The following CXCL13 variants were observed in gnomAD, a reference collection of about 807,000 sequenced individuals.
The protein encoded by CXCL13 is C-X-C motif chemokine ligand 13.
Under a neutral mutation model 12.2 loss-of-function variants are expected in CXCL13, and 7 were observed. The ratio of observed to expected loss-of-function variants is 0.57; its 90% CI spans 0.33 to 1.07. The LOEUF is 1.07. Among genes scored for constraint, CXCL13 ranks in the 50% least tolerant of loss-of-function variants. CXCL13 has a pLI of 0.04. For missense variants in CXCL13, 113 were observed against 127.4 expected (o/e 0.89, Z 0.55); for synonymous variants, 47 against 42.4 (o/e 1.11, Z -0.42).
At chr4:77,550,907 TTATC>T (rs1223559560) in intron 1 of CXCL13, among the ~76,000 whole-genome samples, 16 of 152,326 alleles carry the variant, frequency 1.1e-4, no homozygotes, top group African/African-American at 3.8e-4. Flanking sequence ...TTTAAAGTGT[TTATC>T]TAATATCTAA....
chr4:77,539,206 G>A (rs948285973), intron 1 of CXCL13, among the ~76,000 whole-genome samples: 3 of 152,118 alleles, frequency 2.0e-5, no homozygotes, highest in Non-Finnish European at 4.4e-5. Flanking sequence ...TGGGATTACA[G>A]GCATGCACCC....
chr4:77,542,283 T>A (rs1040508691), intron 1 of CXCL13, among the ~76,000 whole-genome samples: 1 of 152,192 alleles, frequency 6.6e-6, no homozygotes, highest in Non-Finnish European at 1.5e-5. Flanking sequence ...ACTTGTCTTA[T>A]GCCAGTTCTC....
intron 1 of CXCL13, among the ~76,000 whole-genome samples, chr4:77,549,362 C>T (rs1725452607): frequency 6.6e-6 from 1 of 152,230 alleles, no homozygotes; most frequent in African/African-American, 2.4e-5. Flanking sequence ...ATCCTCCATC[C>T]AGCTTTGTTC....
At chr4:77,572,922 A>G (rs1726122823) in intron 1 of CXCL13, among the ~76,000 whole-genome samples, 1 of 150,168 alleles carries the variant, frequency 6.7e-6, no homozygotes, top group African/African-American at 2.5e-5. Flanking sequence ...GAATGAGAAC[A>G]TGTCCTTTGC....
At chr4:77,572,040 AG>A (rs1252281743) in intron 1 of CXCL13, among the ~76,000 whole-genome samples, 1 of 151,834 alleles carries the variant, frequency 6.6e-6, no homozygotes, top group South Asian at 2.1e-4. Context: ...GAACATCAGA[AG>A]GGACAGACTC....
At chr4:77,511,760 T>A (rs376808135) in exon 1 of CXCL13, 5 of 152,208 alleles carry the variant, frequency 3.3e-5, no homozygotes, top group African/African-American at 9.6e-5. Flanking sequence ...AAGGAGAAGA[T>A]GTTTGAAAAA....
At chr4:77,562,263 AC>A (rs1378418692) in intron 1 of CXCL13, among the ~76,000 whole-genome samples, 1 of 147,370 alleles carries the variant, frequency 6.8e-6, no homozygotes, top group Non-Finnish European at 1.5e-5. Flanking sequence ...AGCCTCCCTG[AC>A]GGGCAACGCC....
chr4:77,599,061 A>G (rs913731440), intron 1 of CXCL13, among the ~76,000 whole-genome samples: 3 of 152,048 alleles, frequency 2.0e-5, no homozygotes, highest in Non-Finnish European at 4.4e-5. Flanking sequence ...CACCTGCCTC[A>G]GCCTCCCAAA....
chr4:77,594,069 AC>A (rs1217392216), intron 1 of CXCL13, among the ~76,000 whole-genome samples: 1 of 152,190 alleles, frequency 6.6e-6, no homozygotes, highest in East Asian at 1.9e-4. Context: ...TTAAAAAGTG[AC>A]ATTTGCCTCT....
At chr4:77,517,057 G>T (rs546687869) in intron 1 of CXCL13, among the ~76,000 whole-genome samples, 8,905 of 151,968 alleles carry the variant, frequency 0.059, 821 homozygotes, top group African/African-American at 0.2. Flanking sequence ...CCTTCATTTT[G>T]TTATGTACCC....
chr4:77,554,441 C>T (rs1005318183), intron 1 of CXCL13, among the ~76,000 whole-genome samples: 2 of 152,032 alleles, frequency 1.3e-5, no homozygotes, highest in African/African-American at 4.8e-5. Context: ...AATTACAGAG[C>T]TTCAAATATA....
At chr4:77,538,958 G>A (rs1377350913) in intron 1 of CXCL13, among the ~76,000 whole-genome samples, 5 of 152,144 alleles carry the variant, frequency 3.3e-5, no homozygotes, top group Non-Finnish European at 5.9e-5. Flanking sequence ...TTTAGAACAA[G>A]AGTGAAAGTT....
At position 77,599,495 on chromosome 4, in the gene CXCL13, A is replaced by T. The variant is rs58689708; in HGVS notation, c.-42-6329A>T. Among the ~76,000 whole-genome samples, 600 of 152,348 alleles carry T rather than the reference A, an allele frequency of 3.9e-3. 2 individuals are homozygous for T. The highest frequency in any genetic ancestry group is 0.014 in the African/African-American group (568 of 41,584). On this transcript the variant is annotated intron_variant, in intron 1 of 4. Transcript: ENST00000286758. ...GATTCACAGTTGGTTGGATCCACAG[A>T]TGTGAAACCCTATGGATAAGGAAGG...
chr4:77,582,106 T>A (rs1726348921), intron 1 of CXCL13, among the ~76,000 whole-genome samples: 1 of 152,138 alleles, frequency 6.6e-6, no homozygotes, highest in Admixed American at 6.5e-5. Flanking sequence ...ATATAAAAAT[T>A]TAAAAAGTCG....
chr4:77,536,856 A>G (rs1254751984), intron 1 of CXCL13, among the ~76,000 whole-genome samples: 1 of 152,118 alleles, frequency 6.6e-6, no homozygotes, highest in East Asian at 1.9e-4. Flanking sequence ...TGAGTACAGT[A>G]GGTAAGAAGG....
intron 1 of CXCL13, among the ~76,000 whole-genome samples, chr4:77,514,565 A>G (rs1385708497): frequency 2.0e-5 from 3 of 147,172 alleles, no homozygotes; most frequent in Non-Finnish European, 4.5e-5. Flanking sequence ...AGTGATGGTG[A>G]GCATTTTTTC....
chr4:77,544,390 A>T (rs1035004950), intron 1 of CXCL13, among the ~76,000 whole-genome samples: 2 of 152,164 alleles, frequency 1.3e-5, no homozygotes, highest in African/African-American at 4.8e-5. Flanking sequence ...CTATTTCTCC[A>T]CATCCTCTCC....
intron 1 of CXCL13, among the ~76,000 whole-genome samples, chr4:77,587,310 A>C (rs909556557): frequency 4.6e-5 from 7 of 152,202 alleles, no homozygotes; most frequent in Non-Finnish European, 8.8e-5. Flanking sequence ...GCATTCAGTC[A>C]GCAGAGGAGC....
chr4:77,536,085 A>C (rs1166267388), intron 1 of CXCL13, among the ~76,000 whole-genome samples: 1 of 152,052 alleles, frequency 6.6e-6, no homozygotes, highest in Non-Finnish European at 1.5e-5. Context: ...CATTGGCCAA[A>C]CCCAACTGGA....
Sources: allele counts gnomAD v4.1 joint callset (sites outside exome capture counted in the v4.1 genomes callset), GRCh38; gene constraint gnomAD v4.1.1; transcripts MANE v1.5; gene names NCBI Gene and HGNC (gene_info 2026-07-23, HGNC 2026-07-21).